PLCD4: variants seen among roughly 807,000 people sequenced by gnomAD.
The protein encoded by PLCD4 is phospholipase C delta 4.
PLCD4 carries 63 observed loss-of-function variants against 90.2 expected under a neutral mutation model. The ratio of observed to expected loss-of-function variants is 0.70; its 90% CI spans 0.57 to 0.86. The LOEUF (loss-of-function observed/expected upper bound fraction) is 0.86, where lower values mean the gene tolerates loss of function less well. PLCD4 is among the 40% of genes least tolerant of loss of function. The pLI is 0.00. For synonymous variants in PLCD4, 294 were observed against 356.5 expected, an observed-to-expected ratio of 0.82 and a Z score of 1.97; for missense variants, 830 against 956.3, an observed-to-expected ratio of 0.87 and a Z score of 1.74.
intron 3 of PLCD4, among the ~76,000 whole-genome samples, chr2:218,617,559 A>G (rs1056424371): frequency 2.0e-5 from 3 of 149,534 alleles, no homozygotes; most frequent in African/African-American, 7.3e-5. Flanking sequence ...CCTGGGTGAC[A>G]AGAGCAAAAC....
rs1039192570 is a variant in PLCD4 at position 218,615,777 on chromosome 2, C to T, written c.22+16C>T. 1.2e-6 allele frequency: 2 copies of T among 1,604,538 alleles called. No homozygotes were observed. The highest frequency in any genetic ancestry group is 2.2e-5 in the South Asian group (2 of 89,584). ...CTGCAAGACCGTGAGTGCCGGGGCC[C>T]CTGCAGGGGAAGAGGCCTTAGTGTA... is the stretch of plus-strand genomic sequence containing the variant. On this transcript the variant is annotated intron_variant, in intron 2 of 15. Coordinates refer to ENST00000450993, the MANE Select transcript of PLCD4 (RefSeq NM_032726.4).
At chr2:218,617,611 C>T (rs1172439393) in intron 3 of PLCD4, among the ~76,000 whole-genome samples, 1 of 151,786 alleles carries the variant, frequency 6.6e-6, no homozygotes, top group African/African-American at 2.4e-5. Context: ...AAAATCATAA[C>T]AGTGTGCACT....
chr2:218,620,070 G>A (rs1332768164), intron 4 of PLCD4, among the ~76,000 whole-genome samples: 1 of 151,986 alleles, frequency 6.6e-6, no homozygotes, highest in African/African-American at 2.4e-5. Flanking sequence ...TGTAGAGATG[G>A]GATTTTGCCA....
At chr2:218,616,726 TATACATACATAC>T (rs61259761) in intron 3 of PLCD4, among the ~76,000 whole-genome samples, 4 of 128,774 alleles carry the variant, frequency 3.1e-5, no homozygotes, top group African/African-American at 1.2e-4. Flanking sequence ...AAAATACATA[TATACATACATAC>T]ATACATACAT....
At chr2:218,618,848 G>A (rs1336759350) in intron 4 of PLCD4, 41 bp downstream of exon 4, 22 of 1,533,388 alleles carry the variant, frequency 1.4e-5, no homozygotes, top group Admixed American at 3.9e-5. Context: ...GAGGGATCAC[G>A]CTATCCCTGA....
intron 10 of PLCD4, among the ~76,000 whole-genome samples, chr2:218,632,773 G>A (rs1696454354): frequency 6.6e-6 from 1 of 152,146 alleles, no homozygotes; most frequent in African/African-American, 2.4e-5. Context: ...ACCAAAGTGG[G>A]CATAGAGAAA....
At chr2:218,621,728 A>G (rs1041767336) in intron 5 of PLCD4, 129 bp downstream of exon 5, 3 of 1,194,462 alleles carry the variant, frequency 2.5e-6, no homozygotes, top group Non-Finnish European at 3.6e-6. Context: ...GCTAGGCTCA[A>G]TGCCCTAGGC....
At chr2:218,628,264 G>T (rs1696203310) in intron 7 of PLCD4, 34 bp downstream of exon 7, 1 of 1,591,574 alleles carries the variant, frequency 6.3e-7, no homozygotes, top group African/African-American at 1.3e-5. Context: ...TCCAACTCAT[G>T]AGAGGGACCA....
intron 6 of PLCD4, among the ~76,000 whole-genome samples, chr2:218,627,668 G>A (rs773601256): frequency 2.6e-5 from 4 of 151,750 alleles, no homozygotes; most frequent in Admixed American, 1.3e-4. Flanking sequence ...GCCCACCACC[G>A]TGCCCGGCTA....
At position 218,629,371 on chromosome 2, in the gene PLCD4, T is replaced by C. The variant is rs1041964540; in HGVS notation, c.975-148T>C. The C allele has an allele frequency of 1.1e-5, 10 of 879,632 alleles. No individual in the cohort carries two copies. The Admixed American group carries it at 2.2e-4, about 20-fold the overall frequency. 54.5% of individuals were successfully genotyped at this position (879,632 alleles called of 1,614,324 possible). On this transcript the variant is annotated intron_variant, in intron 7 of 15. Transcript: ENST00000450993. ...GAGCTTGCAGCAGTGTCCCCATGGA[T>C]GGAGAAGGCTCTATGCAGATGTAGC...
intron 6 of PLCD4, among the ~76,000 whole-genome samples, chr2:218,627,389 A>G (rs1241174900): frequency 1.3e-5 from 2 of 152,106 alleles, no homozygotes; most frequent in Non-Finnish European, 2.9e-5. Context: ...GCTACTATAT[A>G]TGACACTGCA....
intron 9 of PLCD4, among the ~76,000 whole-genome samples, chr2:218,631,595 G>C (rs1268108633): frequency 6.6e-6 from 1 of 152,080 alleles, no homozygotes. Flanking sequence ...AGGTGTTCAA[G>C]ACTAGCCTGG....
At chr2:218,633,397 C>A in intron 10 of PLCD4, 1 of 713,800 alleles carries the variant, frequency 1.4e-6, no homozygotes, top group Non-Finnish European at 2.5e-6. Flanking sequence ...TTGTGACGTG[C>A]CCGCTGTTTT....
intron 5 of PLCD4, 146 bp downstream of exon 5, chr2:218,621,745 G>A (rs1382067371): frequency 1.9e-6 from 2 of 1,074,160 alleles, no homozygotes; most frequent in African/African-American, 3.2e-5. Flanking sequence ...AGGCTCAATG[G>A]GAAGTATAGG....
chr2:218,622,005 G>A (rs991371491), intron 5 of PLCD4, among the ~76,000 whole-genome samples: 4 of 148,998 alleles, frequency 2.7e-5, no homozygotes, highest in South Asian at 2.1e-4. Flanking sequence ...GTGTGAACCC[G>A]GGAGGCAGTG....
At chr2:218,629,264 A>C in intron 7 of PLCD4, 1 of 433,480 alleles carries the variant, frequency 2.3e-6, no homozygotes, top group Non-Finnish European at 4.2e-6. Flanking sequence ...AGAACACCAG[A>C]TGCATCATGA....
At chr2:218,618,887 G>T in intron 4 of PLCD4, 80 bp downstream of exon 4, 1 of 1,357,026 alleles carries the variant, frequency 7.4e-7, no homozygotes, top group South Asian at 1.3e-5. Flanking sequence ...GTTTAGGAAA[G>T]GTGAGAAGGG....
intron 4 of PLCD4, among the ~76,000 whole-genome samples, chr2:218,620,367 G>A (rs563482980): frequency 4.6e-5 from 7 of 152,140 alleles, no homozygotes; most frequent in South Asian, 2.1e-4. Flanking sequence ...TTAGCTGGGC[G>A]TGGCGACATG....
At chr2:218,615,851 T>G in intron 2 of PLCD4, 53 bp from the exon 3 acceptor site, 1 of 1,609,302 alleles carries the variant, frequency 6.2e-7, no homozygotes, top group South Asian at 1.1e-5. Flanking sequence ...GAGCTCTCCC[T>G]GGGCCTGCTA....
Sources: allele counts gnomAD v4.1 joint callset (sites outside exome capture counted in the v4.1 genomes callset), GRCh38; gene constraint gnomAD v4.1.1; transcripts MANE v1.5; gene names NCBI Gene and HGNC (gene_info 2026-07-23, HGNC 2026-07-21).